Variants in MGAT5 observed in about 807,000 individuals in gnomAD.
MGAT5 encodes the protein alpha-1,6-mannosylglycoprotein 6-beta-N-acetylglucosaminyltransferase.
A neutral mutation model predicts 94.3 loss-of-function variants in MGAT5; 30 were observed. The observed-to-expected ratio is 0.32, with a 90% CI of 0.24 to 0.43. MGAT5 has a LOEUF of 0.43. Ranked by LOEUF, MGAT5 falls within the 20% of genes least tolerant of loss-of-function variation. The probability of loss-of-function intolerance (pLI) is 1.00; values close to 1 mark genes in which losing one functional copy is unlikely to be tolerated. For missense variants in MGAT5, 691 were observed against 905.5 expected (o/e 0.76, Z 3.04); for synonymous variants, 310 against 322.9 (o/e 0.96, Z 0.43).
intron 1 of MGAT5, among the ~76,000 whole-genome samples, chr2:134,265,097 G>A (rs529114335): frequency 1.3e-5 from 2 of 152,330 alleles, no homozygotes; most frequent in East Asian, 1.9e-4. Context: ...TGAGTCTGAT[G>A]CACAGCAGGG....
chr2:134,320,363 A>C (rs1341294593), intron 4 of MGAT5, among the ~76,000 whole-genome samples: 1 of 148,280 alleles, frequency 6.7e-6, no homozygotes, highest in Non-Finnish European at 1.5e-5. Flanking sequence ...TTTAAATAGC[A>C]GCTTTTGTAT....
intron 10 of MGAT5, among the ~76,000 whole-genome samples, chr2:134,380,706 G>T (rs949617073): frequency 1.3e-5 from 2 of 152,090 alleles, no homozygotes; most frequent in African/African-American, 4.8e-5. Context: ...CCTGCTTATG[G>T]TCAGATATTG....
Position 134,449,072 on chromosome 2 carries a change from C to A in MGAT5, c.*225C>A. On this transcript the variant is annotated 3_prime_UTR_variant, in exon 16 of 16. Coordinates refer to ENST00000281923, the MANE Select transcript of MGAT5 (RefSeq NM_002410.5). ...GTCAGGCCAGGAGCCTGGCTTGTCCCTGGCACAACATCATTTCTGTTTCTC... is the reference window on the plus strand; with the variant it reads ...GTCAGGCCAGGAGCCTGGCTTGTCCATGGCACAACATCATTTCTGTTTCTC... The A allele has an allele frequency of 3.5e-6, 2 of 567,088 alleles. No individual in the cohort carries two copies. The highest frequency in any genetic ancestry group is 6.3e-6 in the Non-Finnish European group (2 of 317,090). 35.1% of individuals were successfully genotyped at this position (567,088 alleles called of 1,614,324 possible). A position where few individuals can be genotyped will look rare whatever the true frequency, so the allele number is the denominator to read the frequency against.
intron 14 of MGAT5, 91 bp from the exon 15 acceptor site, chr2:134,441,667 G>A: frequency 1.4e-6 from 2 of 1,453,386 alleles, no homozygotes; most frequent in East Asian, 2.3e-5. Flanking sequence ...CTCTCCCAGT[G>A]TGCCGCCTCC....
chr2:134,441,750 C>A lies in MGAT5; in HGVS notation c.1870-8C>A. ...GACCTGTGGCTGATGGCTTCATTGT[C>A]GTTCTAGGACTTCTGCCATGGGCAA... On this transcript the variant is annotated splice_polypyrimidine_tract_variant and splice_region_variant and intron_variant, in intron 14 of 15. Transcript: ENST00000281923. 6.2e-7 allele frequency: 1 copy of A among 1,603,842 alleles called. No individual in the cohort carries two copies. Among genetic ancestry groups the A allele is most frequent in the South Asian group, 1.1e-5 (1 of 90,494 alleles).
chr2:134,405,479 C>G (rs983518573), intron 11 of MGAT5, among the ~76,000 whole-genome samples: 6 of 152,224 alleles, frequency 3.9e-5, no homozygotes, highest in African/African-American at 1.2e-4. Flanking sequence ...ATGAATGAAC[C>G]TTTGGCTTTG....
At chr2:134,237,153 G>GCA (rs60180164) in intron 1 of MGAT5, among the ~76,000 whole-genome samples, 3,918 of 149,320 alleles carry the variant, frequency 0.026, 107 homozygotes, top group East Asian at 0.094. Context: ...GTGTGTGCGC[G>GCA]TGTGTGTGAA....
intron 1 of MGAT5, among the ~76,000 whole-genome samples, chr2:134,186,706 C>T (rs1689054307): frequency 2.0e-5 from 3 of 152,214 alleles, no homozygotes; most frequent in Admixed American, 1.3e-4. Context: ...GATTGTGGAT[C>T]GTGACTTTAC....
At chr2:134,170,850 C>T (rs1688167341) in intron 1 of MGAT5, among the ~76,000 whole-genome samples, 1 of 144,640 alleles carries the variant, frequency 6.9e-6, no homozygotes, top group Non-Finnish European at 1.5e-5. Flanking sequence ...ATATAGATCT[C>T]TACTCTTTTT....
At chr2:134,413,784 AT>A (rs1683806586) in intron 12 of MGAT5, among the ~76,000 whole-genome samples, 1 of 152,264 alleles carries the variant, frequency 6.6e-6, no homozygotes, top group East Asian at 1.9e-4. Flanking sequence ...TCATAGCAGC[AT>A]CCTTGTCATT....
chr2:134,236,693 A>G (rs1681655663), intron 1 of MGAT5, among the ~76,000 whole-genome samples: 1 of 152,180 alleles, frequency 6.6e-6, no homozygotes, highest in Non-Finnish European at 1.5e-5. Context: ...CTTTATTAGC[A>G]GTGTGAGAAC....
rs374329535 is a variant in MGAT5 at position 134,437,366 on chromosome 2, AAG to A, written c.1870-4389_1870-4388del. 1.9e-3 allele frequency among the ~76,000 whole-genome samples: 293 copies of A among 152,276 alleles called. 1 individual carries two copies. Among genetic ancestry groups the A allele is most frequent in the African/African-American group, 6.8e-3 (281 of 41,554 alleles). ...ACATGAATAAGAAGCCAAGTTTCTA[AAG>A]AGTCTTCAAACTCAGTAGGTACAGA... On this transcript the variant is annotated intron_variant, in intron 14 of 15. Coordinates refer to ENST00000281923, the MANE Select transcript of MGAT5 (RefSeq NM_002410.5).
At chr2:134,267,115 A>G (rs982764855) in intron 1 of MGAT5, among the ~76,000 whole-genome samples, 7 of 152,220 alleles carry the variant, frequency 4.6e-5, no homozygotes, top group Admixed American at 4.6e-4. Context: ...ACACAAACAC[A>G]TGGCAAAATC....
chr2:134,402,307 C>T (rs1683101234), intron 10 of MGAT5, among the ~76,000 whole-genome samples: 3 of 152,186 alleles, frequency 2.0e-5, no homozygotes, highest in Admixed American at 2.0e-4. Context: ...GGTTGTGCTT[C>T]TAATAGTATA....
In MGAT5 at chr2:134,321,306, T is replaced by G. The variant is rs1300480757; in HGVS notation, c.573+2567T>G. On this transcript the variant is annotated intron_variant, in intron 4 of 15. Transcript: ENST00000281923. ...CCAGAGTCTGACCAAGCTCCATGAT[T>G]GACAAGCTGGGCTAATTTCATGCCT... Among the ~76,000 whole-genome samples the G allele has an allele frequency of 3.3e-5, 5 of 152,332 alleles. No homozygotes were observed. In the East Asian group the frequency reaches 9.6e-4, roughly 29 times the overall value.
chr2:134,282,787 G>A (rs2105727168), intron 2 of MGAT5, among the ~76,000 whole-genome samples: 1 of 152,242 alleles, frequency 6.6e-6, no homozygotes, highest in Admixed American at 6.5e-5. Context: ...CAGGTTTGAG[G>A]CTTGTCAAGA....
intron 13 of MGAT5, among the ~76,000 whole-genome samples, chr2:134,425,805 G>A (rs1684553124): frequency 6.6e-6 from 1 of 151,892 alleles, no homozygotes. Flanking sequence ...TGGAGGGGAA[G>A]ATAAGGGAAA....
At chr2:134,240,870 G>A (rs1382268783) in intron 1 of MGAT5, among the ~76,000 whole-genome samples, 1 of 152,176 alleles carries the variant, frequency 6.6e-6, no homozygotes, top group East Asian at 1.9e-4. Context: ...TCAAATAGCT[G>A]CTGGAAAACC....
intron 1 of MGAT5, among the ~76,000 whole-genome samples, chr2:134,145,204 G>GTCTC (rs368067585): frequency 0.013 from 1,932 of 148,394 alleles, 40 homozygotes; most frequent in African/African-American, 0.044. Flanking sequence ...GTGTGTGTGT[G>GTCTC]TCTCTCTCTC....
Sources: gnomAD v4.1 joint callset for allele counts (sites outside exome capture counted in the v4.1 genomes callset) on GRCh38, gnomAD v4.1.1 for gene constraint, MANE v1.5 for transcripts, NCBI Gene and HGNC (gene_info 2026-07-23, HGNC 2026-07-21) for gene names.